ANK3: variants seen among roughly 807,000 people sequenced by gnomAD.
The protein encoded by ANK3 is ankyrin-3.
ANK3 carries 57 observed loss-of-function variants against 370.9 expected under a neutral mutation model. The observed-to-expected ratio is 0.15, with a 90% CI of 0.12 to 0.19. The LOEUF is 0.19. Among genes scored for constraint, ANK3 ranks in the 10% least tolerant of loss-of-function variants. The pLI is 1.00. For synonymous variants in ANK3, 1,929 were observed against 1,946.3 expected (o/e 0.99, Z 0.23); for missense variants, 4,439 against 5,302.1 (o/e 0.84, Z 5.06).
intron 2 of ANK3, among the ~76,000 whole-genome samples, chr10:60,469,369 GTA>G (rs376716334): frequency 0.057 from 8 of 140 alleles, no homozygotes; most frequent in African/African-American, 0.091. Flanking sequence ...CACTTTTAGT[GTA>G]TATATATATA....
At chr10:60,440,540 C>T (rs1418631474) in intron 2 of ANK3, among the ~76,000 whole-genome samples, 1 of 152,064 alleles carries the variant, frequency 6.6e-6, no homozygotes, top group Admixed American at 6.6e-5. Context: ...GGGAACCACC[C>T]CCATGATCCT....
chr10:60,356,500 C>G (rs999253287), intron 1 of ANK3, among the ~76,000 whole-genome samples: 3 of 152,144 alleles, frequency 2.0e-5, no homozygotes, highest in Admixed American at 6.5e-5. Context: ...TCATGAAGCT[C>G]CCTCAGAGAA....
intron 11 of ANK3, among the ~76,000 whole-genome samples, chr10:60,204,418 C>T (rs1343009083): frequency 1.3e-5 from 2 of 152,158 alleles, no homozygotes; most frequent in Non-Finnish European, 2.9e-5. Context: ...TGAAAGTAAA[C>T]TTTCTATTTT....
At chr10:60,548,894 T>C (rs1168214857) in intron 2 of ANK3, among the ~76,000 whole-genome samples, 1 of 152,162 alleles carries the variant, frequency 6.6e-6, no homozygotes, top group Non-Finnish European at 1.5e-5. Flanking sequence ...GGGCTTTCTA[T>C]AATAAGAATT....
At chr10:60,423,643 A>G (rs1056231284) in intron 2 of ANK3, among the ~76,000 whole-genome samples, 2 of 152,028 alleles carry the variant, frequency 1.3e-5, no homozygotes, top group Non-Finnish European at 2.9e-5. Context: ...AAAACTCTTT[A>G]TATTTACCAA....
chr10:60,190,597 T>TGC (rs1264151337), intron 16 of ANK3, among the ~76,000 whole-genome samples: 1 of 152,226 alleles, frequency 6.6e-6, no homozygotes, highest in East Asian at 1.9e-4. Flanking sequence ...AGCCTTGTTG[T>TGC]GCTGACTTTC....
intron 2 of ANK3, among the ~76,000 whole-genome samples, chr10:60,398,774 C>T (rs972582271): frequency 1.3e-5 from 2 of 152,118 alleles, no homozygotes; most frequent in African/African-American, 2.4e-5. Context: ...TTAAGTAGTA[C>T]AGGTGATTGC....
intron 1 of ANK3, among the ~76,000 whole-genome samples, chr10:60,658,602 T>G (rs1204844486): frequency 6.6e-6 from 1 of 152,168 alleles, no homozygotes; most frequent in Non-Finnish European, 1.5e-5. Flanking sequence ...TACCCACATA[T>G]TCACCATCTC....
At chr10:60,096,854 A>G (rs1384359437) in intron 28 of ANK3, among the ~76,000 whole-genome samples, 1 of 152,214 alleles carries the variant, frequency 6.6e-6, no homozygotes, top group African/African-American at 2.4e-5. Context: ...AGGGAGAAAA[A>G]TGGCATAAGT....
At chr10:60,055,603 A>G in intron 42 of ANK3, 55 bp downstream of exon 42, 1 of 1,526,066 alleles carries the variant, frequency 6.6e-7, no homozygotes, top group Non-Finnish European at 8.8e-7. Flanking sequence ...CCAAAGAAGT[A>G]AAGCACCGAT....
chr10:60,378,455 C>T (rs2132818871), intron 1 of ANK3, among the ~76,000 whole-genome samples: 1 of 151,988 alleles, frequency 6.6e-6, no homozygotes, highest in East Asian at 1.9e-4. Flanking sequence ...ATACTACAAA[C>T]CTATAGTAGC....
chr10:60,462,522 T>G (rs1464531034), intron 2 of ANK3, among the ~76,000 whole-genome samples: 1 of 152,122 alleles, frequency 6.6e-6, no homozygotes, highest in Non-Finnish European at 1.5e-5. Flanking sequence ...TTGTTCTTCC[T>G]GTACAGACTT....
intron 2 of ANK3, among the ~76,000 whole-genome samples, chr10:60,420,330 A>C (rs866371907): frequency 6.6e-6 from 1 of 152,148 alleles, no homozygotes; most frequent in Non-Finnish European, 1.5e-5. Flanking sequence ...GGTCATGTTT[A>C]AGGCACTGAC....
chr10:60,620,129 A>C (rs2078316011), intron 1 of ANK3, among the ~76,000 whole-genome samples: 1 of 152,178 alleles, frequency 6.6e-6, no homozygotes, highest in African/African-American at 2.4e-5. Context: ...CTTATAAATG[A>C]TTTATTTTAA....
intron 36 of ANK3, among the ~76,000 whole-genome samples, chr10:60,078,506 C>G (rs1589670092): frequency 6.6e-6 from 1 of 152,318 alleles, no homozygotes; most frequent in East Asian, 1.9e-4. Flanking sequence ...AAGCATCTAT[C>G]CTTTACCACT....
chr10:60,409,883 C>A (rs1410670096), intron 2 of ANK3, among the ~76,000 whole-genome samples: 1 of 152,148 alleles, frequency 6.6e-6, no homozygotes, highest in Non-Finnish European at 1.5e-5. Flanking sequence ...CAGAATGACA[C>A]CATCTTCTGC....
At position 60,074,029 on chromosome 10, in the gene ANK3, C is replaced by G. The variant is rs759504877; in HGVS notation, c.6852G>C (p.Arg2284=). The G allele has an allele frequency of 5.0e-6, 8 of 1,614,070 alleles. No individual in the cohort carries two copies. The South Asian group carries it at 8.8e-5, about 18-fold the overall frequency. Residue 2284 remains arginine (R), a synonymous_variant, in exon 37 of 44, where the codon CGG becomes CGC. Transcript: ENST00000280772. ...HDIMKAFQSG[R]DPSKELAGLF... is the part of the protein sequence containing the mutation. Reference sequence around the variant, plus strand: ...GACCTGCCAGTTCTTTGGAAGGATCCCGCCCGGACTGAAAGGCCTTCATGA... The same window carrying G: ...GACCTGCCAGTTCTTTGGAAGGATCGCGCCCGGACTGAAAGGCCTTCATGA...
At position 60,071,027 on chromosome 10, in the gene ANK3, T is replaced by A; in HGVS notation, c.9854A>T (p.Asn3285Ile). The A allele has an allele frequency of 6.2e-7, 1 of 1,614,172 alleles. No homozygotes were observed. The highest frequency in any genetic ancestry group is 1.3e-5 in the African/African-American group (1 of 75,060). ...PEKEVDMIEVNLQDEHDKYQL... is the reference protein window; with the variant it reads ...PEKEVDMIEVILQDEHDKYQL... ...GTACTTGTCATGCTCATCTTGCAGA[T>A]TGACTTCAATCATGTCAACCTCTTT... The change falls in exon 37 of 44, where the codon AAT becomes ATT. Residue 3285 changes from asparagine to isoleucine, a missense_variant. Asn to Ile is a moderately radical substitution (Grantham distance 149, BLOSUM62 -3). Around this residue, in one of 13 missense-constraint regions of ANK3, gnomAD observed 1,601 missense variants for 1,731.7 expected, o/e 0.92. Coordinates refer to ENST00000280772, the MANE Select transcript of ANK3 (RefSeq NM_020987.5).
intron 2 of ANK3, among the ~76,000 whole-genome samples, chr10:60,500,258 A>G (rs1387793338): frequency 6.6e-6 from 1 of 152,198 alleles, no homozygotes; most frequent in Non-Finnish European, 1.5e-5. Context: ...TTTCACTATA[A>G]GAATTATTCA....
Sources: gnomAD v4.1 joint callset for allele counts (sites outside exome capture counted in the v4.1 genomes callset) on GRCh38, gnomAD v4.1.1 for gene constraint, gnomAD v4.1.1 regional missense constraint, MANE v1.5 for transcripts, NCBI Gene and HGNC (gene_info 2026-07-23, HGNC 2026-07-21) for gene names.